Variants in ERBIN observed in about 807,000 individuals in gnomAD.
ERBIN encodes erbb2 interacting protein.
Under a neutral mutation model 158.4 loss-of-function variants are expected in ERBIN, and 60 were observed. The observed-to-expected ratio is 0.38, with a 90% CI of 0.31 to 0.47. ERBIN has a LOEUF of 0.47. Ranked by LOEUF, ERBIN falls within the 20% of genes least tolerant of loss-of-function variation. The pLI is 0.99. For missense variants in ERBIN, 1,610 were observed against 1,648.0 expected, an observed-to-expected ratio of 0.98 and a Z score of 0.40; for synonymous variants, 594 against 557.2, an observed-to-expected ratio of 1.07 and a Z score of -0.93.
chr5:66,010,556 A>T (rs1398006089), intron 4 of ERBIN, among the ~76,000 whole-genome samples: 1 of 152,186 alleles, frequency 6.6e-6, no homozygotes. Context: ...GTTTTGACTG[A>T]AACAGTTACT....
rs561766616 is a variant in ERBIN at position 66,080,572 on chromosome 5, A to G, written c.*2042A>G. The G allele has an allele frequency of 1.3e-5, 2 of 152,094 alleles. No individual in the cohort carries two copies. Among genetic ancestry groups the G allele is most frequent in the East Asian group, 3.9e-4 (2 of 5,188 alleles). 9.4% of individuals were successfully genotyped at this position (152,094 alleles called of 1,614,324 possible). On this transcript the variant is annotated 3_prime_UTR_variant, in exon 26 of 26. Coordinates refer to ENST00000284037, the MANE Select transcript of ERBIN (RefSeq NM_001253697.2). ...TTTTAAATATTAATTTTGGCATTCT[A>G]AAATAGCTAACATTTCTTTTATTGA...
chr5:66,065,727 G>A (rs148804402), intron 21 of ERBIN, among the ~76,000 whole-genome samples: 244 of 150,712 alleles, frequency 1.6e-3, no homozygotes, highest in African/African-American at 5.6e-3. Context: ...AAATTCAGGC[G>A]CAGAATAATT....
intron 21 of ERBIN, among the ~76,000 whole-genome samples, chr5:66,068,707 C>A (rs75495632): frequency 0.011 from 1,692 of 152,198 alleles, 96 homozygotes; most frequent in Admixed American, 0.091. Context: ...TATATGTTGT[C>A]ATATAAATAC....
At chr5:66,015,037 G>A (rs1044723235) in intron 7 of ERBIN, among the ~76,000 whole-genome samples, 4 of 152,028 alleles carry the variant, frequency 2.6e-5, no homozygotes, top group African/African-American at 7.2e-5. Flanking sequence ...TCCCAGGTTC[G>A]TCTACTAAAG....
At chr5:65,996,814 T>C (rs536972807) in intron 4 of ERBIN, among the ~76,000 whole-genome samples, 1 of 152,312 alleles carries the variant, frequency 6.6e-6, no homozygotes, top group Non-Finnish European at 1.5e-5. Context: ...TCAAATGTTC[T>C]ATAGTTTTCA....
intron 7 of ERBIN, among the ~76,000 whole-genome samples, chr5:66,019,063 ATTCG>A (rs984392819): frequency 3.3e-5 from 5 of 152,074 alleles, no homozygotes; most frequent in Non-Finnish European, 5.9e-5. Flanking sequence ...ACTTTACTTA[ATTCG>A]TTTATCAGTT....
chr5:66,024,547 C>T (rs549508349), intron 10 of ERBIN, 97 bp downstream of exon 10: 10 of 1,189,404 alleles, frequency 8.4e-6, no homozygotes, highest in South Asian at 5.9e-5. Flanking sequence ...AGTTATACTT[C>T]GTTACCACAG....
chr5:66,023,198 G>A, intron 8 of ERBIN, 92 bp from the exon 9 acceptor site: 1 of 879,344 alleles, frequency 1.1e-6, no homozygotes, highest in Non-Finnish European at 1.9e-6. Context: ...GAAACTAAAG[G>A]TTATTAGAAA....
At chr5:65,930,677 A>G (rs1488120999) in intron 1 of ERBIN, among the ~76,000 whole-genome samples, 1 of 152,172 alleles carries the variant, frequency 6.6e-6, no homozygotes, top group Non-Finnish European at 1.5e-5. Flanking sequence ...TTGACTGTTA[A>G]GATAATACCA....
chr5:65,975,369 A>C (rs1301413094), intron 1 of ERBIN, among the ~76,000 whole-genome samples: 1 of 151,906 alleles, frequency 6.6e-6, no homozygotes, highest in Non-Finnish European at 1.5e-5. Flanking sequence ...ACAGTGGCGC[A>C]ATCTCGGCTC....
chr5:65,954,587 A>T (rs1746875185), intron 1 of ERBIN, among the ~76,000 whole-genome samples: 1 of 152,138 alleles, frequency 6.6e-6, no homozygotes, highest in Non-Finnish European at 1.5e-5. Flanking sequence ...ATACTACTTC[A>T]TGCTGTTTCT....
chr5:65,954,721 G>A (rs558756318), intron 1 of ERBIN, among the ~76,000 whole-genome samples: 1 of 151,884 alleles, frequency 6.6e-6, no homozygotes, highest in South Asian at 2.1e-4. Context: ...AACAATTTTA[G>A]CAGGAATATC....
chr5:66,000,872 A>G (rs1752951891), intron 4 of ERBIN, among the ~76,000 whole-genome samples: 1 of 152,160 alleles, frequency 6.6e-6, no homozygotes, highest in Non-Finnish European at 1.5e-5. Flanking sequence ...TAAAAATTCT[A>G]GTTATTTTAA....
At chr5:66,042,980 T>A (rs1208714119) in intron 15 of ERBIN, 97 bp from the exon 16 acceptor site, 1 of 896,536 alleles carries the variant, frequency 1.1e-6, no homozygotes, top group Non-Finnish European at 1.7e-6. Flanking sequence ...TTAGACTTAT[T>A]GTAGTGAACA....
chr5:66,029,614 T>C (rs1451691145), intron 14 of ERBIN, among the ~76,000 whole-genome samples: 1 of 152,058 alleles, frequency 6.6e-6, no homozygotes, highest in Non-Finnish European at 1.5e-5. Context: ...CCTGTCCTTT[T>C]CTTTTTTTTG....
intron 20 of ERBIN, among the ~76,000 whole-genome samples, chr5:66,051,211 A>G (rs1439512164): frequency 1.3e-5 from 2 of 152,152 alleles, no homozygotes; most frequent in Non-Finnish European, 2.9e-5. Context: ...TTGAATATTT[A>G]TATATTTTTA....
At chr5:65,954,102 G>T (rs1414034993) in intron 1 of ERBIN, among the ~76,000 whole-genome samples, 1 of 152,176 alleles carries the variant, frequency 6.6e-6, no homozygotes, top group Non-Finnish European at 1.5e-5. Flanking sequence ...TGACAGTTGG[G>T]TAATAATGAT....
intron 1 of ERBIN, among the ~76,000 whole-genome samples, chr5:65,952,091 A>G (rs1298365825): frequency 6.6e-6 from 1 of 152,242 alleles, no homozygotes; most frequent in Non-Finnish European, 1.5e-5. Context: ...ACTGCCAGAC[A>G]GATGGCCCTA....
At chr5:66,018,333 A>T (rs1419620803) in intron 7 of ERBIN, among the ~76,000 whole-genome samples, 1 of 141,094 alleles carries the variant, frequency 7.1e-6, no homozygotes, top group Non-Finnish European at 1.5e-5. Flanking sequence ...GTCCTCTTTA[A>T]TTTCTTACAT....
Sources: allele counts gnomAD v4.1 joint callset (sites outside exome capture counted in the v4.1 genomes callset), GRCh38; gene constraint gnomAD v4.1.1; transcripts MANE v1.5; gene names NCBI Gene and HGNC (gene_info 2026-07-23, HGNC 2026-07-21).